TRMT44: variants seen among roughly 807,000 people sequenced by gnomAD.
The protein encoded by TRMT44 is probable tRNA (uracil-O(2)-)-methyltransferase.
A neutral mutation model predicts 77.3 loss-of-function variants in TRMT44; 78 were observed. The ratio of observed to expected loss-of-function variants is 1.01; its 90% CI spans 0.84 to 1.22. TRMT44 has a LOEUF of 1.22. Among genes scored for constraint, TRMT44 ranks in the 50% most tolerant of loss-of-function variants. TRMT44 has a pLI of 0.00. For synonymous variants in TRMT44, 391 were observed against 383.3 expected, an observed-to-expected ratio of 1.02 and a Z score of -0.23; for missense variants, 1,090 against 964.4, an observed-to-expected ratio of 1.13 and a Z score of -1.73.
intron 10 of TRMT44, among the ~76,000 whole-genome samples, chr4:8,475,067 CCT>C (rs1727286601): frequency 6.6e-6 from 1 of 152,206 alleles, no homozygotes; most frequent in Non-Finnish European, 1.5e-5. Context: ...AGCTCATTGG[CCT>C]CTGTTACTCC....
chr4:8,488,455 T>TG (rs1326506349), intron 2 of TRMT44, among the ~76,000 whole-genome samples: 5 of 151,612 alleles, frequency 3.3e-5, no homozygotes, highest in African/African-American at 1.2e-4. Context: ...TGGACAGGAG[T>TG]GGGGGTCGCA....
chr4:8,466,510 C>T (rs1363885250), intron 8 of TRMT44, among the ~76,000 whole-genome samples: 1 of 152,244 alleles, frequency 6.6e-6, no homozygotes, highest in Non-Finnish European at 1.5e-5. Flanking sequence ...GTGGCACAGG[C>T]CTCAGGGCCG....
At chr4:8,470,983 G>T in intron 9 of TRMT44, 101 bp from the exon 10 acceptor site, 1 of 771,044 alleles carries the variant, frequency 1.3e-6, no homozygotes, top group Non-Finnish European at 2.2e-6. Context: ...TGCATAACGC[G>T]TGTGAGTGTA....
At chr4:8,497,605 A>G (rs1479589881), downstream of TRMT44, among the ~76,000 whole-genome samples, 1 of 152,162 alleles carries the variant, frequency 6.6e-6, no homozygotes, top group Non-Finnish European at 1.5e-5. Flanking sequence ...AGATCGCGCC[A>G]CTGCACTCCA....
chr4:8,489,304 G>A (rs1354192179), intron 2 of TRMT44, among the ~76,000 whole-genome samples: 1 of 152,190 alleles, frequency 6.6e-6, no homozygotes, highest in East Asian at 1.9e-4. Context: ...CCTCCTTATG[G>A]ATGACAGTGA....
At chr4:8,511,765 A>C in the TRMT44 span, 1 of 150,928 alleles carries the variant, frequency 6.6e-6, no homozygotes, top group South Asian at 2.1e-4. Context: ...TTGGCCAGGC[A>C]GTATGGTAGT....
the TRMT44 span, among the ~76,000 whole-genome samples, chr4:8,504,230 C>T: frequency 1.3e-5 from 2 of 152,184 alleles, no homozygotes; most frequent in African/African-American, 4.8e-5. The surrounding 1 kb of genome is among the most constrained non-coding windows in gnomAD (Gnocchi z 5.3). Flanking sequence ...ATGTCCCCAC[C>T]TCCTCGGCTT....
intron 6 of TRMT44, among the ~76,000 whole-genome samples, chr4:8,459,435 G>C (rs62287385): frequency 0.027 from 4,133 of 152,310 alleles, 68 homozygotes; most frequent in South Asian, 0.04. Flanking sequence ...AGGAAACCGA[G>C]GTACCCTTGG....
the TRMT44 span, among the ~76,000 whole-genome samples, chr4:8,502,242 C>T: frequency 2.0e-5 from 3 of 152,314 alleles, no homozygotes; most frequent in Non-Finnish European, 4.4e-5. Context: ...GGGAATGGTC[C>T]TCGGGACAGG....
the TRMT44 span, among the ~76,000 whole-genome samples, chr4:8,506,204 A>G: frequency 2.0e-5 from 3 of 152,302 alleles, no homozygotes; most frequent in South Asian, 6.2e-4. Context: ...TGCTCAGTGC[A>G]ATGTCTGGGG....
the TRMT44 span, among the ~76,000 whole-genome samples, chr4:8,505,886 A>C: frequency 3.4e-3 from 520 of 152,198 alleles, 3 homozygotes; most frequent in African/African-American, 0.012. Flanking sequence ...TCCTTCTTGC[A>C]CTTCTGTCTC....
At chr4:8,473,400 A>G (rs1285548165) in intron 10 of TRMT44, 1 of 152,374 alleles carries the variant, frequency 6.6e-6, no homozygotes, top group Admixed American at 6.5e-5. Context: ...TTGAACATGT[A>G]GACAAGTCTC....
the TRMT44 span, among the ~76,000 whole-genome samples, chr4:8,513,797 G>A: frequency 7.2e-5 from 11 of 152,186 alleles, no homozygotes; most frequent in Non-Finnish European, 1.3e-4. Flanking sequence ...ATCTTGATCA[G>A]CCATCAGGGA....
downstream of TRMT44, chr4:8,477,994 A>G (rs1223935048): frequency 6.5e-6 from 1 of 152,914 alleles, no homozygotes; most frequent in Non-Finnish European, 1.5e-5. Flanking sequence ...GGTGTCCCCC[A>G]TGCCAGAGTG....
chr4:8,488,721 A>T (rs903048916), intron 2 of TRMT44, among the ~76,000 whole-genome samples: 2 of 152,212 alleles, frequency 1.3e-5, no homozygotes, highest in African/African-American at 4.8e-5. Flanking sequence ...CCCCAAGCTC[A>T]AACAAGGTTT....
intron 7 of TRMT44, among the ~76,000 whole-genome samples, chr4:8,465,051 C>A (rs1210221058): frequency 6.6e-6 from 1 of 152,124 alleles, no homozygotes; most frequent in African/African-American, 2.4e-5. Context: ...GCAGTAGACA[C>A]TGGGGACTGC....
the TRMT44 span, among the ~76,000 whole-genome samples, chr4:8,516,036 G>T: frequency 3.3e-5 from 5 of 152,196 alleles, no homozygotes; most frequent in Non-Finnish European, 5.9e-5. Context: ...CAAGATGGAA[G>T]TTCTGCCCAG....
intron 5 of TRMT44, among the ~76,000 whole-genome samples, chr4:8,454,096 A>G: frequency 6.6e-6 from 1 of 152,120 alleles, no homozygotes; most frequent in Non-Finnish European, 1.5e-5. Flanking sequence ...AGTTTGCCCT[A>G]TGAGAGCCAA....
At chr4:8,510,784 G>C in the TRMT44 span, 1 of 152,532 alleles carries the variant, frequency 6.6e-6, no homozygotes, top group African/African-American at 2.4e-5. Context: ...CTAGCACATG[G>C]AGGCCAAGGA....
Sources: allele counts gnomAD v4.1 joint callset (sites outside exome capture counted in the v4.1 genomes callset), GRCh38; gene constraint gnomAD v4.1.1; non-coding constraint Gnocchi (gnomAD v3.1); transcripts MANE v1.5; gene names NCBI Gene and HGNC (gene_info 2026-07-23, HGNC 2026-07-21).